Variants in ALK observed in about 807,000 individuals in gnomAD.
ALK encodes the protein ALK tyrosine kinase receptor.
In ALK, 74 loss-of-function variants were observed where a neutral mutation model predicts 163.1. The ratio of observed to expected loss-of-function variants is 0.45; its 90% CI spans 0.38 to 0.55. ALK has a LOEUF of 0.55. Among genes scored for constraint, ALK ranks in the 20% least tolerant of loss-of-function variants. The probability of loss-of-function intolerance (pLI) is 0.00; values close to 1 mark genes in which losing one functional copy is unlikely to be tolerated. For missense variants in ALK, 2,063 were observed against 2,105.3 expected, an observed-to-expected ratio of 0.98 and a Z score of 0.39; for synonymous variants, 960 against 843.2, an observed-to-expected ratio of 1.14 and a Z score of -2.40.
chr2:29,546,919 G>A (rs919119985), intron 3 of ALK, among the ~76,000 whole-genome samples: 4 of 152,162 alleles, frequency 2.6e-5, no homozygotes, highest in African/African-American at 4.8e-5. Flanking sequence ...AGCATGGAAC[G>A]TGGGTGGATG....
chr2:29,405,538 C>T (rs1375554808), intron 4 of ALK, among the ~76,000 whole-genome samples: 1 of 152,134 alleles, frequency 6.6e-6, no homozygotes, highest in East Asian at 1.9e-4. Flanking sequence ...ACGGCACCAT[C>T]AAAGAGAAAT....
intron 26 of ALK, among the ~76,000 whole-genome samples, chr2:29,202,082 C>T (rs1669195245): frequency 2.6e-5 from 4 of 152,206 alleles, no homozygotes; most frequent in Admixed American, 2.0e-4. Flanking sequence ...ATCCCTTCCA[C>T]CCCTATTGGC....
At chr2:29,803,416 A>C (rs1664534205) in intron 1 of ALK, among the ~76,000 whole-genome samples, 1 of 152,226 alleles carries the variant, frequency 6.6e-6, no homozygotes, top group Non-Finnish European at 1.5e-5. Context: ...CTGGTGATTA[A>C]CTTTGTAAAA....
chr2:29,711,038 C>T (rs1163424563), intron 2 of ALK, among the ~76,000 whole-genome samples: 2 of 152,204 alleles, frequency 1.3e-5, no homozygotes, highest in African/African-American at 4.8e-5. Flanking sequence ...ATGACATCTT[C>T]ATCCACTCAA....
intron 1 of ALK, among the ~76,000 whole-genome samples, chr2:29,749,569 G>T (rs1005790057): frequency 6.6e-6 from 1 of 152,084 alleles, no homozygotes; most frequent in African/African-American, 2.4e-5. Flanking sequence ...AAGACCTCAG[G>T]CCCAAACCCA....
At chr2:29,712,746 T>G (rs1299884160) in intron 2 of ALK, among the ~76,000 whole-genome samples, 1 of 152,166 alleles carries the variant, frequency 6.6e-6, no homozygotes, top group African/African-American at 2.4e-5. Context: ...AATTTTTCTT[T>G]CTAAAAGCAC....
At chr2:29,739,240 TAAAAAAAAAAAAAAA>T (rs57381961) in intron 1 of ALK, among the ~76,000 whole-genome samples, 4 of 40,298 alleles carry the variant, frequency 9.9e-5, no homozygotes, top group East Asian at 1.8e-3. Context: ...CAGTCTCTCT[TAAAAAAAAAAAAAAA>T]AAAAAAAAAA....
chr2:29,358,484 T>C (rs534797889), intron 5 of ALK, among the ~76,000 whole-genome samples: 1 of 152,202 alleles, frequency 6.6e-6, no homozygotes, highest in East Asian at 1.9e-4. Context: ...AGGCTCTCCA[T>C]CTTGTTTGTC....
At chr2:29,597,164 G>A (rs192962152) in intron 3 of ALK, among the ~76,000 whole-genome samples, 28 of 152,316 alleles carry the variant, frequency 1.8e-4, no homozygotes, top group Middle Eastern at 6.8e-3. Flanking sequence ...GGAAATATGA[G>A]CCTATTATTA....
chr2:29,582,860 CTTTT>C (rs11406173), intron 3 of ALK, among the ~76,000 whole-genome samples: 1 of 137,790 alleles, frequency 7.3e-6, no homozygotes. Flanking sequence ...CCCAGCACTC[CTTTT>C]TTTTTTTTTT....
chr2:29,516,759 A>T lies in ALK; in HGVS notation c.1154+15156T>A, dbSNP rs138137108. 2.6e-4 allele frequency among the ~76,000 whole-genome samples: 39 copies of T among 152,354 alleles called. 1 individual carries two copies. In the East Asian group the frequency reaches 7.1e-3, roughly 28 times the overall value. ...GCCCATTGTGAAAATTAAATGGGTA[A>T]AGATAGGTAAAGGCATTTAGAACAA... is the stretch of plus-strand genomic sequence containing the variant. On this transcript the variant is annotated intron_variant, in intron 4 of 28. Transcript: ENST00000389048.
chr2:29,402,997 G>T (rs903978105), intron 4 of ALK, among the ~76,000 whole-genome samples: 1 of 152,088 alleles, frequency 6.6e-6, no homozygotes, highest in Non-Finnish European at 1.5e-5. Context: ...TGAGTGTGGG[G>T]GCATGGTGCT....
rs905008393 is a variant in ALK, at chr2:29,676,107, T to A, written c.952+18743A>T. Among the ~76,000 whole-genome samples, 8 of 152,140 alleles carry A rather than the reference T, an allele frequency of 5.3e-5. No homozygotes were observed. In the East Asian group the frequency reaches 1.6e-3, roughly 30 times the overall value. On this transcript the variant is annotated intron_variant, in intron 3 of 28. Coordinates refer to ENST00000389048, the MANE Select transcript of ALK (RefSeq NM_004304.5). ...TATATATTATGGATACACTTTTTTA[T>A]GCAATGTATGATTCACAAATTTTTC... is the stretch of plus-strand genomic sequence containing the variant.
chr2:29,734,068 A>G (rs144200048), intron 1 of ALK, among the ~76,000 whole-genome samples: 62 of 152,300 alleles, frequency 4.1e-4, no homozygotes, highest in Non-Finnish European at 7.6e-4. Flanking sequence ...TGAGGCATGG[A>G]AAAACAAGTT....
intron 2 of ALK, among the ~76,000 whole-genome samples, chr2:29,701,715 G>A (rs1678742957): frequency 1.3e-5 from 2 of 152,078 alleles, no homozygotes; most frequent in African/African-American, 4.8e-5. Context: ...CACTCGCCAA[G>A]GACTCACTGG....
chr2:29,541,862 C>G (rs1673422244), intron 3 of ALK, among the ~76,000 whole-genome samples: 1 of 152,110 alleles, frequency 6.6e-6, no homozygotes, highest in Admixed American at 6.6e-5. Context: ...ATTATTTATT[C>G]TATTTGAAAG....
intron 1 of ALK, among the ~76,000 whole-genome samples, chr2:29,848,659 T>C (rs1231347590): frequency 6.6e-6 from 1 of 152,130 alleles, no homozygotes; most frequent in Non-Finnish European, 1.5e-5. Context: ...TTCCAGCAGG[T>C]CTCAGCTCTG....
chr2:29,609,335 C>T (rs984896340), intron 3 of ALK, among the ~76,000 whole-genome samples: 1 of 152,088 alleles, frequency 6.6e-6, no homozygotes, highest in African/African-American at 2.4e-5. Flanking sequence ...GTGTTGCAAG[C>T]CTGCCCTTCC....
intron 3 of ALK, among the ~76,000 whole-genome samples, chr2:29,553,758 C>A (rs1386621449): frequency 1.3e-5 from 2 of 152,292 alleles, no homozygotes; most frequent in East Asian, 3.9e-4. Context: ...CCTGTCTGAA[C>A]TGGGAATTAT....
Sources: gnomAD v4.1 joint callset for allele counts (sites outside exome capture counted in the v4.1 genomes callset) on GRCh38, gnomAD v4.1.1 for gene constraint, MANE v1.5 for transcripts, NCBI Gene and HGNC (gene_info 2026-07-23, HGNC 2026-07-21) for gene names.